Variants in SPTB observed in about 807,000 individuals in gnomAD.
SPTB encodes spectrin beta chain, erythrocytic.
Under a neutral mutation model 256.2 loss-of-function variants are expected in SPTB, and 45 were observed. That is an observed-to-expected ratio of 0.18 (90% CI 0.14 to 0.23). SPTB has a LOEUF of 0.23. SPTB is among the 10% of genes least tolerant of loss of function. SPTB has a pLI of 1.00. For synonymous variants in SPTB, 1,231 were observed against 1,243.1 expected (o/e 0.99, Z 0.21); for missense variants, 2,715 against 3,040.4 (o/e 0.89, Z 2.52).
rs760242710 is a variant in SPTB at position 64,803,594 on chromosome 14, CCCAGGAA to C, written c.474+6_474+12del. On this transcript the variant is annotated splice_donor_region_variant and intron_variant, in intron 4 of 35. Coordinates refer to ENST00000644917, the MANE Select transcript of SPTB (RefSeq NM_001355436.2). ...AGGGCTCCCTCGACTTCCTCTACCC[CCCAGGAA>C]CCCACCTGGAAGCGGAGGATGATGG... The C allele has an allele frequency of 6.2e-7, 1 of 1,614,050 alleles. No homozygotes were observed. Among genetic ancestry groups the C allele is most frequent in the Admixed American group, 1.7e-5 (1 of 60,034 alleles).
intron 1 of SPTB, among the ~76,000 whole-genome samples, chr14:64,848,725 T>C (rs771105497): frequency 4.6e-5 from 7 of 152,250 alleles, no homozygotes; most frequent in Non-Finnish European, 8.8e-5. Context: ...TCCATCAAGG[T>C]AGCTTTTGGT....
Position 64,823,206 on chromosome 14 carries a change from G to T in SPTB, c.-51-61C>A. The T allele has an allele frequency of 7.4e-7, 1 of 1,345,186 alleles. No homozygotes were observed. The highest frequency in any genetic ancestry group is 1.1e-6 in the Non-Finnish European group (1 of 948,082). 83.3% of individuals were successfully genotyped at this position (1,345,186 alleles called of 1,614,324 possible). On this transcript the variant is annotated intron_variant, in intron 1 of 35. Coordinates refer to ENST00000644917, the MANE Select transcript of SPTB (RefSeq NM_001355436.2). This position sits in a 1 kb window ranked among gnomAD's most constrained non-coding sequence, Gnocchi z 6.5. The stretch of plus-strand genomic sequence containing the variant: ...CTACCCCCTCGGACTTTTTCTCCGG[G>T]GAAACTTATTCGGAGCATCCAACGT...
Position 64,793,199 on chromosome 14 carries a change from G to T in SPTB, c.2464C>A (p.Arg822=). The change falls in exon 14 of 36, where the codon CGG becomes AGG. Residue 822 remains arginine, a synonymous_variant. Transcript: ENST00000644917. This position sits in a 1 kb window ranked among gnomAD's most constrained non-coding sequence, Gnocchi z 7.0. The stretch of plus-strand genomic sequence containing the variant: ...TAGAGCTCCCGCAGGGCCTGCAGCC[G>T]ATGGGTCACATCTGGGGAATCCCGA... ...EFRDSPDVTH[R]LQALRELYQQ... is the part of the protein sequence containing the mutation. 2 of 1,612,856 alleles carry T rather than the reference G, an allele frequency of 1.2e-6. No individual in the cohort carries two copies. Among genetic ancestry groups the T allele is most frequent in the Non-Finnish European group, 1.7e-6 (2 of 1,180,042 alleles).
rs1285716420 is a variant in SPTB at position 64,827,182 on chromosome 14, C to T, written c.-51-4037G>A. 6.6e-6 allele frequency among the ~76,000 whole-genome samples: 1 copy of T among 152,166 alleles called. No individual in the cohort carries two copies. Among genetic ancestry groups the T allele is most frequent in the African/African-American group, 2.4e-5 (1 of 41,436 alleles). On this transcript the variant is annotated intron_variant, in intron 1 of 35. Transcript: ENST00000644917. The surrounding 1 kb of genome is among the most constrained non-coding windows in gnomAD (Gnocchi z 4.6). ...TGTCAGCCCTCGCCGAAGCCCCGAGCAGAAGAGGCAGCTGTTCTCTTTTCT... is the reference window on the plus strand; with the variant it reads ...TGTCAGCCCTCGCCGAAGCCCCGAGTAGAAGAGGCAGCTGTTCTCTTTTCT...
At chr14:64,810,323 C>T (rs2083064493) in intron 2 of SPTB, among the ~76,000 whole-genome samples, 1 of 152,176 alleles carries the variant, frequency 6.6e-6, no homozygotes, top group Non-Finnish European at 1.5e-5. Context: ...ATTCATACCT[C>T]ATACTCCAGG....
At position 64,786,253 on chromosome 14, in the gene SPTB, C is replaced by A; in HGVS notation, c.3561+151G>T. The A allele has an allele frequency of 8.2e-7, 1 of 1,212,284 alleles. No homozygotes were observed. Among genetic ancestry groups the A allele is most frequent in the East Asian group, 2.3e-5 (1 of 42,738 alleles). 75.1% of individuals were successfully genotyped at this position (1,212,284 alleles called of 1,614,324 possible). ...TGGGACACAAGGCTGGAAAAGGCCC[C>A]TAATGAGAAACAAAGATTTCCCCCA... On this transcript the variant is annotated intron_variant, in intron 16 of 35. Coordinates refer to ENST00000644917, the MANE Select transcript of SPTB (RefSeq NM_001355436.2). The surrounding 1 kb of genome is among the most constrained non-coding windows in gnomAD (Gnocchi z 5.6).
Position 64,767,792 on chromosome 14 carries a change from G to C in SPTB, c.6090C>G (p.Pro2030=), listed in dbSNP as rs1465250324. ...GTCCAAAGTCCCCGCTGGCCAGGTA[G>C]GGCTCCTGGGCAATCAGCCACGCCT... ...VAEAWLIAQE[P]YLASGDFGHT... Residue 2030 remains proline (P), a synonymous_variant, in exon 30 of 36, where the codon CCC becomes CCG. Transcript: ENST00000644917. 1 of 1,614,044 alleles carries C rather than the reference G, an allele frequency of 6.2e-7. No individual in the cohort carries two copies.
At chr14:64,800,187 C>T (rs945115663) in intron 8 of SPTB, among the ~76,000 whole-genome samples, 3 of 152,234 alleles carry the variant, frequency 2.0e-5, no homozygotes, top group Admixed American at 6.5e-5. Context: ...AGTTCCCCTC[C>T]CCAGTGCTAG....
chr14:64,808,301 C>A (rs1050270717), intron 2 of SPTB, among the ~76,000 whole-genome samples: 1 of 152,112 alleles, frequency 6.6e-6, no homozygotes, highest in African/African-American at 2.4e-5. Flanking sequence ...CATGAGCCAC[C>A]GTGCATGGCC....
At chr14:64,818,402 T>G (rs1594810245) in intron 2 of SPTB, among the ~76,000 whole-genome samples, 1 of 149,818 alleles carries the variant, frequency 6.7e-6, no homozygotes, top group Non-Finnish European at 1.5e-5. Context: ...GGCAGGGGAG[T>G]GGAAGGAGGG....
chr14:64,757,704 G>T (rs987325427), intron 32 of SPTB, among the ~76,000 whole-genome samples: 1 of 152,228 alleles, frequency 6.6e-6, no homozygotes, highest in African/African-American at 2.4e-5. Context: ...GTACAGGAGA[G>T]GGGGAAGGGG....
intron 33 of SPTB, among the ~76,000 whole-genome samples, chr14:64,752,948 T>C (rs1158043941): frequency 6.6e-6 from 1 of 150,690 alleles, no homozygotes; most frequent in Non-Finnish European, 1.5e-5. Flanking sequence ...TGTTTCAGGG[T>C]CAGGAAAGGA....
At chr14:64,850,092 T>C (rs919671630) in intron 1 of SPTB, among the ~76,000 whole-genome samples, 6 of 152,210 alleles carry the variant, frequency 3.9e-5, no homozygotes, top group African/African-American at 1.4e-4. Flanking sequence ...GACTATCATA[T>C]GCAGCCACAA....
At position 64,796,373 on chromosome 14, in the gene SPTB, G is replaced by A. The variant is rs1270896481; in HGVS notation, c.1341+184C>T. Among the ~76,000 whole-genome samples the A allele has an allele frequency of 6.6e-6, 1 of 152,128 alleles. No individual in the cohort carries two copies. Among genetic ancestry groups the A allele is most frequent in the Non-Finnish European group, 1.5e-5 (1 of 68,022 alleles). ...CTCCAAGGCTCTTTCCTAAAAATGAGATTTAATAAATCCTGGAGAGCTCCT... is the reference window on the plus strand; with the variant it reads ...CTCCAAGGCTCTTTCCTAAAAATGAAATTTAATAAATCCTGGAGAGCTCCT... On this transcript the variant is annotated intron_variant, in intron 11 of 35. Coordinates refer to ENST00000644917, the MANE Select transcript of SPTB (RefSeq NM_001355436.2). The surrounding 1 kb of genome is among the most constrained non-coding windows in gnomAD (Gnocchi z 4.1).
chr14:64,781,593 G>A (rs2082472896), intron 20 of SPTB, among the ~76,000 whole-genome samples: 1 of 152,160 alleles, frequency 6.6e-6, no homozygotes, highest in Non-Finnish European at 1.5e-5. Context: ...GCAGAGAAAA[G>A]GGAACCCTTA....
intron 1 of SPTB, among the ~76,000 whole-genome samples, chr14:64,868,640 C>G (rs764862896): frequency 6.6e-6 from 1 of 151,980 alleles, no homozygotes; most frequent in Non-Finnish European, 1.5e-5. Flanking sequence ...GGTAAACAAG[C>G]TAGGAGGGAA....
chr14:64,874,307 C>A lies in SPTB; in HGVS notation c.-52+5485G>T, dbSNP rs571973631. Among the ~76,000 whole-genome samples the A allele has an allele frequency of 1.4e-4, 21 of 152,318 alleles. No homozygotes were observed. In the South Asian group the frequency reaches 4.1e-3, roughly 30 times the overall value. On this transcript the variant is annotated intron_variant, in intron 1 of 35. Coordinates refer to ENST00000644917, the MANE Select transcript of SPTB (RefSeq NM_001355436.2). ...TGAATGAGATGTTTCCTCCTGTACACCCTCTCTCTCAGGCATCCTGTTGAA... is the reference window on the plus strand; with the variant it reads ...TGAATGAGATGTTTCCTCCTGTACAACCTCTCTCTCAGGCATCCTGTTGAA...
chr14:64,767,924 A>C, intron 29 of SPTB, 65 bp from the exon 30 acceptor site: 1 of 1,566,906 alleles, frequency 6.4e-7, no homozygotes, highest in Non-Finnish European at 8.7e-7. Context: ...CCAATCGTTC[A>C]CTCCTGATTG....
rs1472065566 is a variant in SPTB, at chr14:64,775,276, C to T, written c.4691G>A (p.Ser1564Asn). The change falls in exon 23 of 36, where the codon AGC (serine) becomes AAC (asparagine). Residue 1564 changes from serine (S) to asparagine (N), a missense_variant. Around this residue, in one of 4 missense-constraint regions of SPTB, gnomAD observed 2,239 missense variants for 2,384.4 expected, o/e 0.94. Transcript: ENST00000644917. This position sits in a 1 kb window ranked among gnomAD's most constrained non-coding sequence, Gnocchi z 5.0. ...DLEERLGHLQ[S>N]SWDRLREAAA... is the part of the protein sequence containing the mutation. ...TGCCTCCCGCAGCCTGTCCCAGGAG[C>T]TCTGCAGGTGCCCCAGGCGCTCCTC... The T allele has an allele frequency of 6.2e-7, 1 of 1,613,658 alleles. No individual in the cohort carries two copies. Among genetic ancestry groups the T allele is most frequent in the South Asian group, 1.1e-5 (1 of 91,070 alleles).
Sources: gnomAD v4.1 joint callset for allele counts (sites outside exome capture counted in the v4.1 genomes callset) on GRCh38, gnomAD v4.1.1 for gene constraint, gnomAD v4.1.1 regional missense constraint, Gnocchi (gnomAD v3.1) non-coding constraint, MANE v1.5 for transcripts, NCBI Gene and HGNC (gene_info 2026-07-23, HGNC 2026-07-21) for gene names.